CDC73: variants seen among roughly 807,000 people sequenced by gnomAD.
CDC73 encodes the protein parafibromin.
CDC73 carries 21 observed loss-of-function variants against 83.7 expected under a neutral mutation model. The ratio of observed to expected loss-of-function variants is 0.25; its 90% CI spans 0.18 to 0.36. CDC73 has a LOEUF of 0.36. CDC73 is among the 10% of genes least tolerant of loss of function. The probability of loss-of-function intolerance (pLI) is 1.00; values close to 1 mark genes in which losing one functional copy is unlikely to be tolerated. For synonymous variants in CDC73, 224 were observed against 212.9 expected (o/e 1.05, Z -0.45); for missense variants, 342 against 653.3 (o/e 0.52, Z 5.19).
chr1:193,234,416 G>T (rs959020816), intron 14 of CDC73, among the ~76,000 whole-genome samples: 3 of 149,094 alleles, frequency 2.0e-5, no homozygotes, highest in African/African-American at 7.4e-5. Context: ...TAGAAAATGA[G>T]TAAGATGAGA....
At chr1:193,187,933 A>T (rs1311149837) in intron 10 of CDC73, among the ~76,000 whole-genome samples, 12 of 152,196 alleles carry the variant, frequency 7.9e-5, no homozygotes, top group Non-Finnish European at 1.6e-4. Context: ...ACTTCCTTGT[A>T]GTCTATATCC....
chr1:193,195,040 A>G (rs1676978941), intron 10 of CDC73, among the ~76,000 whole-genome samples: 1 of 152,182 alleles, frequency 6.6e-6, no homozygotes, highest in East Asian at 1.9e-4. Context: ...GGAGATTGTT[A>G]CAATGAATTG....
intron 16 of CDC73, 101 bp from the exon 17 acceptor site, chr1:193,250,575 G>T: frequency 1.2e-6 from 1 of 830,198 alleles, no homozygotes; most frequent in Non-Finnish European, 2.0e-6. Flanking sequence ...TTATTCTGTT[G>T]ATTTTAAGTT....
At chr1:193,233,500 A>G (rs964098719) in intron 14 of CDC73, among the ~76,000 whole-genome samples, 13 of 152,264 alleles carry the variant, frequency 8.5e-5, no homozygotes, top group Admixed American at 1.3e-4. Context: ...TACTTTGGTC[A>G]TCAATAATGT....
chr1:193,247,474 A>G (rs984105065), intron 15 of CDC73, among the ~76,000 whole-genome samples: 1 of 152,044 alleles, frequency 6.6e-6, no homozygotes, highest in Non-Finnish European at 1.5e-5. Flanking sequence ...GTGACCTCCA[A>G]GTGTTTAAAT....
At chr1:193,231,604 G>A (rs1173010049) in intron 13 of CDC73, among the ~76,000 whole-genome samples, 1 of 152,076 alleles carries the variant, frequency 6.6e-6, no homozygotes, top group Non-Finnish European at 1.5e-5. Context: ...AATGCCATAG[G>A]AAGCAAATGA....
intron 5 of CDC73, chr1:193,136,435 A>C (rs1675802029): frequency 4.2e-6 from 1 of 239,392 alleles, no homozygotes; most frequent in African/African-American, 2.4e-5. Context: ...ATGATAATTG[A>C]TTCATTGTTA....
intron 14 of CDC73, among the ~76,000 whole-genome samples, chr1:193,234,249 T>TATATATATATAA (rs1167481761): frequency 5.0e-4 from 11 of 22,074 alleles, no homozygotes; most frequent in African/African-American, 1.3e-3. Flanking sequence ...TATATATTTA[T>TATATATATATAA]TTATATATAT....
chr1:193,163,000 A>C (rs1676365403), intron 10 of CDC73, among the ~76,000 whole-genome samples: 1 of 152,200 alleles, frequency 6.6e-6, no homozygotes, highest in Admixed American at 6.5e-5. Flanking sequence ...AGCTTCTGAT[A>C]GGATTATAAT....
In CDC73 at chr1:193,252,610, G is replaced by A. The variant is rs1039617468; in HGVS notation, c.*1898G>A. ...ATACTGTAAAGGAACATTAGGAAAA[G>A]GACAAATAGGCTATAACCATCTATC... is the stretch of plus-strand genomic sequence containing the variant. On this transcript the variant is annotated 3_prime_UTR_variant, in exon 17 of 17. Coordinates refer to ENST00000367435, the MANE Select transcript of CDC73 (RefSeq NM_024529.5). The A allele has an allele frequency of 4.3e-6, 1 of 231,162 alleles. No homozygotes were observed. Among genetic ancestry groups the A allele is most frequent in the Non-Finnish European group, 8.6e-6 (1 of 116,776 alleles). The allele number at this position is 231,162 out of a possible 1,614,324, so 14.3% of individuals were successfully genotyped here.
At chr1:193,199,862 T>C (rs1055740854) in intron 10 of CDC73, among the ~76,000 whole-genome samples, 1 of 151,980 alleles carries the variant, frequency 6.6e-6, no homozygotes, top group Non-Finnish European at 1.5e-5. Flanking sequence ...TTTTAAAACA[T>C]ATGTGACTTT....
At chr1:193,140,568 G>A (rs1675887403) in intron 6 of CDC73, among the ~76,000 whole-genome samples, 1 of 152,152 alleles carries the variant, frequency 6.6e-6, no homozygotes, top group South Asian at 2.1e-4. Context: ...GCCATTGTTA[G>A]GTAAAATAAG....
intron 10 of CDC73, among the ~76,000 whole-genome samples, chr1:193,169,201 C>G (rs918573518): frequency 6.6e-6 from 1 of 152,180 alleles, no homozygotes; most frequent in Non-Finnish European, 1.5e-5. Context: ...TTTAAACACA[C>G]CCATACCTGG....
intron 10 of CDC73, among the ~76,000 whole-genome samples, chr1:193,158,069 A>C (rs1214468872): frequency 6.6e-6 from 1 of 151,230 alleles, no homozygotes; most frequent in African/African-American, 2.4e-5. Flanking sequence ...ATATAGCTTT[A>C]TTGTACTTAT....
At chr1:193,144,144 G>A (rs1027925234) in intron 7 of CDC73, among the ~76,000 whole-genome samples, 1 of 132,998 alleles carries the variant, frequency 7.5e-6, no homozygotes, top group Admixed American at 8.1e-5. Context: ...TTCATGAGAG[G>A]TATAAATATG....
chr1:193,124,336 CTATT>C (rs908856075), intron 1 of CDC73, among the ~76,000 whole-genome samples: 8 of 152,058 alleles, frequency 5.3e-5, no homozygotes, highest in African/African-American at 9.7e-5. Context: ...TGGTTGTTAA[CTATT>C]TATTGGGTTT....
chr1:193,151,982 T>A (rs929864503), intron 9 of CDC73, among the ~76,000 whole-genome samples: 24 of 152,186 alleles, frequency 1.6e-4, no homozygotes, highest in African/African-American at 5.8e-4. Context: ...AGTATATGCC[T>A]TATGACTGAA....
At position 193,144,573 on chromosome 1, in the gene CDC73, G is replaced by C. The variant is rs141112873; in HGVS notation, c.729+2507G>C. On this transcript the variant is annotated intron_variant, in intron 7 of 16. Coordinates refer to ENST00000367435, the MANE Select transcript of CDC73 (RefSeq NM_024529.5). The stretch of plus-strand genomic sequence containing the variant: ...GTGTGAATCAAGGCAATGGCACTTA[G>C]CCATTGTGTTCTTTACTCACGAATG... 1.9e-3 allele frequency among the ~76,000 whole-genome samples: 293 copies of C among 152,258 alleles called. 1 individual carries two copies. The highest frequency in any genetic ancestry group is 6.7e-3 in the African/African-American group (278 of 41,564).
chr1:193,193,206 A>G lies in CDC73; in HGVS notation c.973-10589A>G, dbSNP rs371541078. On this transcript the variant is annotated intron_variant, in intron 10 of 16. Transcript: ENST00000367435. ...CCCTGCCCCCAACTTCTTAGGCTGT[A>G]TAAGGGGTTTGCTAACCTTTGGCAA... Among the ~76,000 whole-genome samples the G allele has an allele frequency of 5.3e-5, 8 of 152,222 alleles. No homozygotes were observed. The East Asian group carries it at 1.3e-3, about 26-fold the overall frequency.
Sources: gnomAD v4.1 joint callset for allele counts (sites outside exome capture counted in the v4.1 genomes callset) on GRCh38, gnomAD v4.1.1 for gene constraint, MANE v1.5 for transcripts, NCBI Gene and HGNC (gene_info 2026-07-23, HGNC 2026-07-21) for gene names.